The following CAST variants were observed in gnomAD, a reference collection of about 807,000 sequenced individuals.
CAST encodes the protein MIR583 host.
Under a neutral mutation model 119.6 loss-of-function variants are expected in CAST, and 76 were observed. That is an observed-to-expected ratio of 0.64 (90% CI 0.53 to 0.77). CAST has a LOEUF of 0.77. Among genes scored for constraint, CAST ranks in the 30% least tolerant of loss-of-function variants. The pLI is 0.00. For synonymous variants in CAST, 319 were observed against 331.6 expected (o/e 0.96, Z 0.41); for missense variants, 953 against 946.5 (o/e 1.01, Z -0.09).
At chr5:96,348,639 T>C in the CAST span, among the ~76,000 whole-genome samples, 2 of 152,066 alleles carry the variant, frequency 1.3e-5, no homozygotes, top group African/African-American at 4.8e-5. Flanking sequence ...TGCTAAGAGT[T>C]CATGGGTTGG....
chr5:96,702,139 G>A (rs1753982083), intron 3 of CAST, among the ~76,000 whole-genome samples: 1 of 152,030 alleles, frequency 6.6e-6, no homozygotes, highest in South Asian at 2.1e-4. Context: ...CAAGTTCAGG[G>A]TTCAGAGCCT....
chr5:96,206,317 G>A, the CAST span, among the ~76,000 whole-genome samples: 154 of 151,708 alleles, frequency 1.0e-3, no homozygotes, highest in African/African-American at 3.5e-3. Context: ...ATTAGGTCCC[G>A]CTTGTCAATT....
the CAST span, among the ~76,000 whole-genome samples, chr5:96,183,384 T>C: frequency 6.6e-6 from 1 of 151,910 alleles, no homozygotes; most frequent in African/African-American, 2.4e-5. Flanking sequence ...GTTTAAATAA[T>C]GTCATAATTA....
At chr5:96,192,800 T>C in the CAST span, among the ~76,000 whole-genome samples, 25 of 152,336 alleles carry the variant, frequency 1.6e-4, no homozygotes, top group East Asian at 4.6e-3. Context: ...ATCTTTCTTC[T>C]TTCTCTGCCA....
chr5:96,272,989 T>A, the CAST span, among the ~76,000 whole-genome samples: 1 of 152,214 alleles, frequency 6.6e-6, no homozygotes, highest in East Asian at 1.9e-4. Flanking sequence ...AGGAAAATAA[T>A]GCATTGCTTT....
chr5:96,186,786 T>C, the CAST span, among the ~76,000 whole-genome samples: 3 of 152,206 alleles, frequency 2.0e-5, no homozygotes, highest in Non-Finnish European at 2.9e-5. Context: ...TTGATGTTCA[T>C]CAAGGATATT....
the CAST span, among the ~76,000 whole-genome samples, chr5:96,454,495 A>G: frequency 6.6e-6 from 1 of 152,218 alleles, no homozygotes; most frequent in Admixed American, 6.5e-5. Flanking sequence ...TGACACCCTA[A>G]TATTTGTAAT....
chr5:96,141,075 A>G, the CAST span, among the ~76,000 whole-genome samples: 1 of 150,574 alleles, frequency 6.6e-6, no homozygotes, highest in African/African-American at 2.5e-5. Flanking sequence ...ATATGTAGGA[A>G]TTTGTCAGAT....
At chr5:96,161,053 G>A in the CAST span, among the ~76,000 whole-genome samples, 37,791 of 151,928 alleles carry the variant, frequency 0.25, 5,710 homozygotes, top group Middle Eastern at 0.33. Context: ...TTACCTTTCT[G>A]TATGTTGTTT....
At chr5:96,289,102 GAAA>G in the CAST span, among the ~76,000 whole-genome samples, 1 of 147,150 alleles carries the variant, frequency 6.8e-6, no homozygotes, top group Non-Finnish European at 1.5e-5. Flanking sequence ...ATATGATTAA[GAAA>G]AAAAAAAACC....
intron 9 of CAST, 146 bp from the exon 10 acceptor site, chr5:96,736,026 A>G (rs1761562364): frequency 1.7e-6 from 1 of 586,048 alleles, no homozygotes; most frequent in East Asian, 2.9e-5. Context: ...AAAGGATATA[A>G]AACACACAGC....
chr5:96,661,165 G>T (rs1039738000), upstream of CAST, among the ~76,000 whole-genome samples: 3 of 149,662 alleles, frequency 2.0e-5, no homozygotes, highest in African/African-American at 7.4e-5. Context: ...TGTAATCCTA[G>T]CACTTTGGGA....
At chr5:96,763,160 A>G (rs763278676) in intron 25 of CAST, 2 of 780,434 alleles carry the variant, frequency 2.6e-6, no homozygotes, top group African/African-American at 1.7e-5. Flanking sequence ...TGTAGCATCA[A>G]AGCATATTTA....
At chr5:96,541,327 AT>A (rs746515170) in intron 1 of CAST, among the ~76,000 whole-genome samples, 49 of 91,320 alleles carry the variant, frequency 5.4e-4, no homozygotes, top group Middle Eastern at 4.9e-3. Flanking sequence ...TGTGTTTGTC[AT>A]TTTTTTAAAA....
the CAST span, among the ~76,000 whole-genome samples, chr5:95,982,236 C>T: frequency 2.0e-5 from 3 of 151,852 alleles, no homozygotes; most frequent in African/African-American, 7.3e-5. Flanking sequence ...TTTATCACTC[C>T]CCTCTGGGAT....
the CAST span, among the ~76,000 whole-genome samples, chr5:96,173,347 C>T: frequency 2.0e-5 from 3 of 152,154 alleles, no homozygotes; most frequent in African/African-American, 2.4e-5. Context: ...GGGGTATAGT[C>T]CTCATAACTA....
chr5:96,241,445 T>G, the CAST span, among the ~76,000 whole-genome samples: 2 of 151,690 alleles, frequency 1.3e-5, no homozygotes, highest in African/African-American at 4.8e-5. Context: ...TGCCACATTT[T>G]CTTAATCCAG....
chr5:96,475,654 C>A, the CAST span, among the ~76,000 whole-genome samples: 1 of 152,048 alleles, frequency 6.6e-6, no homozygotes, highest in Non-Finnish European at 1.5e-5. Flanking sequence ...ATTATTTTGG[C>A]GAAATCACTC....
At chr5:96,661,590 C>G (rs1748495418), upstream of CAST, among the ~76,000 whole-genome samples, 1 of 152,172 alleles carries the variant, frequency 6.6e-6, no homozygotes, top group Non-Finnish European at 1.5e-5. Flanking sequence ...TGCAGGCTGA[C>G]AGTTTCTCAC....
Sources: gnomAD v4.1 joint callset for allele counts (sites outside exome capture counted in the v4.1 genomes callset) on GRCh38, gnomAD v4.1.1 for gene constraint, MANE v1.5 for transcripts, NCBI Gene and HGNC (gene_info 2026-07-23, HGNC 2026-07-21) for gene names.